Variants in GALNT17 observed in about 807,000 individuals in gnomAD.
GALNT17 encodes polypeptide N-acetylgalactosaminyltransferase 17, also known as UDP-GalNAc:polypeptide N-acetylgalactosaminyltransferase-like 3.
A neutral mutation model predicts 63.7 loss-of-function variants in GALNT17; 29 were observed. The ratio of observed to expected loss-of-function variants is 0.46; its 90% confidence interval spans 0.34 to 0.62. GALNT17 has a LOEUF of 0.62. Among genes scored for constraint, GALNT17 ranks in the 20% least tolerant of loss-of-function variants. The probability of loss-of-function intolerance (pLI) is 0.01; values close to 1 mark genes in which losing one functional copy is unlikely to be tolerated. For missense variants in GALNT17, 603 were observed against 799.6 expected (o/e 0.75, Z 2.97); for synonymous variants, 305 against 318.3 (o/e 0.96, Z 0.45).
chr7:71,469,708 A>G (rs541000348), intron 5 of GALNT17, among the ~76,000 whole-genome samples: 2 of 152,354 alleles, frequency 1.3e-5, no homozygotes, highest in South Asian at 2.1e-4. Flanking sequence ...ACAGCTCACT[A>G]TGGACAGAGA....
chr7:71,141,536 A>C (rs1298135141), intron 1 of GALNT17, among the ~76,000 whole-genome samples: 3 of 152,112 alleles, frequency 2.0e-5, no homozygotes, highest in Non-Finnish European at 4.4e-5. Context: ...TAAGCATGAA[A>C]CCCAACACAC....
chr7:71,619,667 G>A (rs551997928), intron 6 of GALNT17, among the ~76,000 whole-genome samples: 5 of 152,250 alleles, frequency 3.3e-5, no homozygotes, highest in African/African-American at 9.6e-5. Context: ...TACTTAAGTC[G>A]TTTATCAACT....
In GALNT17 at chr7:71,360,086, A is replaced by G. The variant is rs891802143; in HGVS notation, c.422+24353A>G. Among the ~76,000 whole-genome samples, 3 of 152,200 alleles carry G rather than the reference A, an allele frequency of 2.0e-5. No individual in the cohort carries two copies. In the South Asian group the frequency reaches 6.2e-4, roughly 31 times the overall value. On this transcript the variant is annotated intron_variant, in intron 2 of 10. Transcript: ENST00000333538. The stretch of plus-strand genomic sequence containing the variant: ...ACAGATTCCCAGGTTCCAAGTTTCA[A>G]AGAACTGAAGTATTAGGTTGCACTG...
intron 5 of GALNT17, among the ~76,000 whole-genome samples, chr7:71,567,963 A>G (rs1269736843): frequency 1.3e-5 from 2 of 152,188 alleles, no homozygotes; most frequent in African/African-American, 4.8e-5. Context: ...GTGAAGGTCG[A>G]AGTCAAGTTA....
At chr7:71,711,520 T>TCTCTCTCC (rs1475981523) in intron 10 of GALNT17, among the ~76,000 whole-genome samples, 2 of 150,998 alleles carry the variant, frequency 1.3e-5, no homozygotes, top group Admixed American at 6.6e-5. Flanking sequence ...TCTCTCTCCC[T>TCTCTCTCC]CTCTCTCCCT....
At chr7:71,377,114 A>AAAAAATATATATATATATATATATAT in intron 2 of GALNT17, among the ~76,000 whole-genome samples, 2 of 57,464 alleles carry the variant, frequency 3.5e-5, no homozygotes, top group Admixed American at 2.5e-4. Context: ...AAATAAAAAA[A>AAAAAATATATATATATATATATATAT]ATATATATAT....
chr7:71,464,146 G>A (rs10249266), intron 5 of GALNT17, among the ~76,000 whole-genome samples: 32,761 of 152,046 alleles, frequency 0.22, 4,337 homozygotes, highest in East Asian at 0.55. Context: ...GTGGGTGGAA[G>A]ACTACTAATA....
At chr7:71,332,553 T>C (rs1791824734) in intron 1 of GALNT17, among the ~76,000 whole-genome samples, 1 of 152,188 alleles carries the variant, frequency 6.6e-6, no homozygotes, top group African/African-American at 2.4e-5. Flanking sequence ...AAAATCGTTT[T>C]ATTGAGTGTT....
intron 10 of GALNT17, 103 bp from the exon 11 acceptor site, chr7:71,711,915 G>T (rs887584): frequency 2.7e-4 from 346 of 1,264,554 alleles, no homozygotes; most frequent in South Asian, 1.1e-3. Flanking sequence ...TTTTCTCTTT[G>T]TCATTTTCTC....
chr7:71,304,580 T>G (rs1336398517), intron 1 of GALNT17, among the ~76,000 whole-genome samples: 1 of 152,118 alleles, frequency 6.6e-6, no homozygotes, highest in African/African-American at 2.4e-5. Flanking sequence ...AACCACTCAA[T>G]TTACCAGGCT....
chr7:71,213,506 A>G (rs1456119355), intron 1 of GALNT17, among the ~76,000 whole-genome samples: 5 of 152,156 alleles, frequency 3.3e-5, no homozygotes, highest in Non-Finnish European at 7.3e-5. Flanking sequence ...TGCCTTTGAC[A>G]TTTTATGTTA....
intron 1 of GALNT17, among the ~76,000 whole-genome samples, chr7:71,253,809 C>T (rs576363208): frequency 1.9e-4 from 29 of 152,256 alleles, no homozygotes; most frequent in African/African-American, 6.3e-4. Flanking sequence ...ATTCTAAAAC[C>T]CAGTGTGCCC....
chr7:71,170,576 TC>T (rs1438934818), intron 1 of GALNT17, among the ~76,000 whole-genome samples: 6 of 152,158 alleles, frequency 3.9e-5, no homozygotes, highest in African/African-American at 1.4e-4. Flanking sequence ...CCTCAGGAGA[TC>T]CTCCCACCTC....
intron 1 of GALNT17, among the ~76,000 whole-genome samples, chr7:71,258,987 ATG>A (rs1790334426): frequency 6.6e-6 from 1 of 152,126 alleles, no homozygotes; most frequent in Non-Finnish European, 1.5e-5. Flanking sequence ...TGCTCAGGGT[ATG>A]TGTATATGGG....
chr7:71,444,534 G>C (rs944228703), intron 5 of GALNT17, among the ~76,000 whole-genome samples: 1 of 152,132 alleles, frequency 6.6e-6, no homozygotes, highest in Non-Finnish European at 1.5e-5. Flanking sequence ...CTCCCTCTCT[G>C]GGCCAAAATG....
At chr7:71,698,673 A>C (rs1791580503) in intron 9 of GALNT17, among the ~76,000 whole-genome samples, 1 of 152,096 alleles carries the variant, frequency 6.6e-6, no homozygotes, top group African/African-American at 2.4e-5. Flanking sequence ...CAACTAATCC[A>C]AGCAAAGGCA....
At chr7:71,187,950 C>T (rs898064494) in intron 1 of GALNT17, among the ~76,000 whole-genome samples, 3 of 152,162 alleles carry the variant, frequency 2.0e-5, no homozygotes, top group African/African-American at 7.2e-5. Flanking sequence ...GCTTAGCTCC[C>T]ACATATGCGT....
intron 9 of GALNT17, among the ~76,000 whole-genome samples, chr7:71,710,267 T>G (rs1042571118): frequency 6.6e-6 from 1 of 152,164 alleles, no homozygotes; most frequent in Non-Finnish European, 1.5e-5. Flanking sequence ...CCCAGCACTT[T>G]GAGAAGCCGA....
At chr7:71,140,913 C>T (rs771972859) in intron 1 of GALNT17, among the ~76,000 whole-genome samples, 5 of 152,050 alleles carry the variant, frequency 3.3e-5, no homozygotes, top group Non-Finnish European at 7.4e-5. Context: ...CCCAGCTACT[C>T]GAGAGGCTGA....
Sources: allele counts gnomAD v4.1 joint callset (sites outside exome capture counted in the v4.1 genomes callset), GRCh38; gene constraint gnomAD v4.1.1; transcripts MANE v1.5; gene names NCBI Gene and HGNC (gene_info 2026-07-23, HGNC 2026-07-21).